SETD1B: variants seen among roughly 807,000 people sequenced by gnomAD.
SETD1B encodes the protein histone-lysine N-methyltransferase SETD1B.
A neutral mutation model predicts 148.0 loss-of-function variants in SETD1B; 7 were observed. The observed-to-expected ratio is 0.05, with a 90% CI of 0.03 to 0.09. SETD1B has a LOEUF of 0.09. Among genes scored for constraint, SETD1B ranks in the 10% least tolerant of loss-of-function variants. The pLI, the probability that SETD1B is intolerant of heterozygous loss-of-function variation, is 1.00. For missense variants in SETD1B, 2,155 were observed against 2,729.9 expected, an observed-to-expected ratio of 0.79 and a Z score of 4.69; for synonymous variants, 1,361 against 1,186.5, an observed-to-expected ratio of 1.15 and a Z score of -3.02.
chr12:121,808,335 G>C lies in SETD1B; in HGVS notation c.657+15G>C. 5.2e-6 allele frequency: 8 copies of C among 1,530,382 alleles called. No homozygotes were observed. The highest frequency in any genetic ancestry group is 7.1e-6 in the Non-Finnish European group (8 of 1,128,606). 94.8% of individuals were successfully genotyped at this position (1,530,382 alleles called of 1,614,324 possible). ...AGACCCTGCAGGTGGGTTTATGGCC[G>C]TCAGTCTGCCCCATCGCCAGCTCTT... On this transcript the variant is annotated intron_variant, in intron 5 of 16. Coordinates refer to ENST00000604567, the MANE Select transcript of SETD1B (RefSeq NM_001353345.2). This position sits in a 1 kb window ranked among gnomAD's most constrained non-coding sequence, Gnocchi z 5.3.
intron 6 of SETD1B, among the ~76,000 whole-genome samples, chr12:121,812,718 C>T (rs1344122002): frequency 6.6e-6 from 1 of 152,128 alleles, no homozygotes; most frequent in Non-Finnish European, 1.5e-5. Context: ...CCGTCTGTCT[C>T]TTCTTGATGT....
intron 10 of SETD1B, 52 bp from the exon 11 acceptor site, chr12:121,819,352 G>A (rs1876452820): frequency 1.3e-6 from 2 of 1,548,940 alleles, no homozygotes; most frequent in African/African-American, 1.4e-5. Flanking sequence ...TCTGGTGGGG[G>A]CTGGGGCACA....
At position 121,810,847 on chromosome 12, in the gene SETD1B, T is replaced by G; in HGVS notation, c.1890+12T>G. On this transcript the variant is annotated intron_variant, in intron 6 of 16. Transcript: ENST00000604567. This position sits in a 1 kb window ranked among gnomAD's most constrained non-coding sequence, Gnocchi z 7.6. ...AGAAGATGGATGAGGTACCACCGTG[T>G]CTGTCCATCTGTCTGGGACTGGTTT... 5.4e-6 allele frequency: 8 copies of G among 1,478,852 alleles called. No individual in the cohort carries two copies. The highest frequency in any genetic ancestry group is 7.2e-6 in the Non-Finnish European group (8 of 1,108,522). The allele number at this position is 1,478,852 out of a possible 1,614,324, so 91.6% of individuals were successfully genotyped here.
At chr12:121,807,656 G>A (rs1875812593) in intron 4 of SETD1B, among the ~76,000 whole-genome samples, 1 of 152,106 alleles carries the variant, frequency 6.6e-6, no homozygotes, top group Non-Finnish European at 1.5e-5. Flanking sequence ...CTGCTGAGGG[G>A]TGGAGGGTTC....
Position 121,805,688 on chromosome 12 carries a change from A to T in SETD1B, c.274-147A>T. On this transcript the variant is annotated intron_variant, in intron 3 of 16. Coordinates refer to ENST00000604567, the MANE Select transcript of SETD1B (RefSeq NM_001353345.2). This position sits in a 1 kb window ranked among gnomAD's most constrained non-coding sequence, Gnocchi z 4.2. ...GCGTGCATTTTTTTTTTCCAAAAAAAATTTTTTTTTTTTTTTTAATTTTTA... is the reference window on the plus strand; with the variant it reads ...GCGTGCATTTTTTTTTTCCAAAAAATATTTTTTTTTTTTTTTTAATTTTTA... 1 of 667,582 alleles carries T rather than the reference A, an allele frequency of 1.5e-6. No homozygotes were observed. The highest frequency in any genetic ancestry group is 2.1e-6 in the Non-Finnish European group (1 of 487,358). The allele number at this position is 667,582 out of a possible 1,614,324, so 41.4% of individuals were successfully genotyped here.
At position 121,804,241 on chromosome 12, in the gene SETD1B, C is replaced by G. The variant is rs1250289265; in HGVS notation, c.-15+8C>G. The G allele has an allele frequency of 6.8e-6, 1 of 147,570 alleles. No homozygotes were observed. Among genetic ancestry groups the G allele is most frequent in the East Asian group, 2.0e-4 (1 of 5,056 alleles). The allele number at this position is 147,570 out of a possible 1,614,324, so 9.1% of individuals were successfully genotyped here. On this transcript the variant is annotated splice_region_variant and intron_variant, in intron 1 of 16. Coordinates refer to ENST00000604567, the MANE Select transcript of SETD1B (RefSeq NM_001353345.2). This position sits in a 1 kb window ranked among gnomAD's most constrained non-coding sequence, Gnocchi z 4.6. ...CCGGCGCCCGGCGGGGATGTAAGCG[C>G]GGCTCGGGGAGGGAGAGGCCGCGGC...
At chr12:121,827,703 G>A (rs1876906820) in intron 14 of SETD1B, 32 bp from the exon 15 acceptor site, 1 of 1,551,724 alleles carries the variant, frequency 6.4e-7, no homozygotes, top group Non-Finnish European at 8.7e-7. Context: ...CCTGAGACCG[G>A]GGCTCACCTC....
chr12:121,818,749 GCA>G (rs1271189747), intron 10 of SETD1B, among the ~76,000 whole-genome samples: 3 of 151,856 alleles, frequency 2.0e-5, no homozygotes, highest in Non-Finnish European at 4.4e-5. Context: ...AATTAGCCGG[GCA>G]TGGTGGCAGG....
rs146606774 is a variant in SETD1B, at chr12:121,823,853, T to C, written c.5170+104T>C. The C allele has an allele frequency of 1.1e-4, 150 of 1,414,904 alleles. No homozygotes were observed. The African/African-American group carries it at 1.6e-3, about 15-fold the overall frequency. 87.6% of individuals were successfully genotyped at this position (1,414,904 alleles called of 1,614,324 possible). On this transcript the variant is annotated intron_variant, in intron 12 of 16. Coordinates refer to ENST00000604567, the MANE Select transcript of SETD1B (RefSeq NM_001353345.2). ...AGTCTGTAGCAGCCCGCGGTGCCCA[T>C]GAAGGTGACAGCATGCACCACCGTC...
rs972062849 is a variant in SETD1B, at chr12:121,810,550, C to G, written c.1605C>G (p.Ser535=). The G allele has an allele frequency of 9.0e-6, 14 of 1,547,088 alleles. No homozygotes were observed. The East Asian group carries it at 3.4e-4, about 38-fold the overall frequency. Residue 535 remains serine, a synonymous_variant, in exon 6 of 17, where the codon TCC becomes TCG. Coordinates refer to ENST00000604567, the MANE Select transcript of SETD1B (RefSeq NM_001353345.2). This position sits in a 1 kb window ranked among gnomAD's most constrained non-coding sequence, Gnocchi z 7.6. The stretch of plus-strand genomic sequence containing the variant: ...AGATGGAGGGCAGCCCCATCTCCTC[C>G]TCCTCCTCCCAGCTCTCCCCACTGG... ...ELQMEGSPIS[S]SSSQLSPLAP... is the part of the protein sequence containing the mutation.
intron 7 of SETD1B, among the ~76,000 whole-genome samples, chr12:121,816,401 A>T (rs1252065441): frequency 1.3e-5 from 2 of 152,184 alleles, no homozygotes; most frequent in Non-Finnish European, 2.9e-5. Flanking sequence ...CTGGGCAGTA[A>T]AATTAGAATG....
chr12:121,796,250 G>C, the SETD1B span: 2 of 152,698 alleles, frequency 1.3e-5, no homozygotes, highest in African/African-American at 2.4e-5. Flanking sequence ...TTCCTGGAGA[G>C]TTTGAGAAAG....
intron 10 of SETD1B, 28 bp from the exon 11 acceptor site, chr12:121,819,376 C>T: frequency 6.4e-7 from 1 of 1,550,794 alleles, no homozygotes; most frequent in Non-Finnish European, 8.7e-7. Context: ...GGTCCTCAGG[C>T]AGCCCCTCGT....
chr12:121,823,287 G>A lies in SETD1B; in HGVS notation c.4708G>A (p.Val1570Met). 1 of 1,549,488 alleles carries A rather than the reference G, an allele frequency of 6.5e-7. No homozygotes were observed. The highest frequency in any genetic ancestry group is 8.7e-7 in the Non-Finnish European group (1 of 1,146,738). Residue 1570 changes from valine (V) to methionine (M), a missense_variant, in exon 12 of 17, where the codon GTG becomes ATG. Coordinates refer to ENST00000604567, the MANE Select transcript of SETD1B (RefSeq NM_001353345.2). Reference protein sequence around the residue: ...VFPSTHDPRTVTLDFRNAGIP... With the variant: ...VFPSTHDPRTMTLDFRNAGIP... Reference sequence around the variant, plus strand: ...CCCCAGCACCCATGACCCCCGGACGGTGACCCTGGACTTCCGGAACGCGGG... The same window carrying A: ...CCCCAGCACCCATGACCCCCGGACGATGACCCTGGACTTCCGGAACGCGGG...
At position 121,804,415 on chromosome 12, in the gene SETD1B, C is replaced by A. The variant is rs1236415500; in HGVS notation, c.-15+182C>A. Among the ~76,000 whole-genome samples the A allele has an allele frequency of 6.7e-6, 1 of 148,394 alleles. No individual in the cohort carries two copies. ...GTGAGCGCCACGCCGGGCGGCCGGG[C>A]GGGCACCATGGGCCGGAGTCCGCGT... On this transcript the variant is annotated intron_variant, in intron 1 of 16. Transcript: ENST00000604567. The surrounding 1 kb of genome is among the most constrained non-coding windows in gnomAD (Gnocchi z 4.6).
rs1189826710 is a variant in SETD1B, at chr12:121,822,571, C to G, written c.3992C>G (p.Pro1331Arg). Residue 1331 changes from proline (P) to arginine (R), a missense_variant, in exon 12 of 17, where the codon CCC (proline) becomes CGC (arginine). By Grantham distance (103) the Pro-to-Arg change is moderately radical. This residue lies in a region of SETD1B where 862 missense variants were observed against 873.8 expected (regional missense o/e 0.99). Coordinates refer to ENST00000604567, the MANE Select transcript of SETD1B (RefSeq NM_001353345.2). ...CCACCATTGCCGCCCCCACGACCAC[C>G]CCGGCCACCCAGCCCACCGCCGGAG... ...LQPPLPPPRP[P>R]RPPSPPPEPE... 4.5e-6 allele frequency: 7 copies of G among 1,551,432 alleles called. No individual in the cohort carries two copies. Among genetic ancestry groups the G allele is most frequent in the Admixed American group, 3.9e-5 (2 of 50,986 alleles).
chr12:121,827,469 C>A (rs1469575169), intron 13 of SETD1B, 50 bp from the exon 14 acceptor site: 4 of 1,482,826 alleles, frequency 2.7e-6, no homozygotes, highest in Non-Finnish European at 3.6e-6. Flanking sequence ...AGGGTGGGAC[C>A]GCCGAGGACA....
rs997309156 is a variant in SETD1B at position 121,831,128 on chromosome 12, C to CT, written c.*891dup. The CT allele has an allele frequency of 6.6e-6, 1 of 152,212 alleles. No individual in the cohort carries two copies. Among genetic ancestry groups the CT allele is most frequent in the Non-Finnish European group, 1.5e-5 (1 of 68,032 alleles). 9.4% of individuals were successfully genotyped at this position (152,212 alleles called of 1,614,324 possible). A position where few individuals can be genotyped will look rare whatever the true frequency, so the allele number is the denominator to read the frequency against. On this transcript the variant is annotated 3_prime_UTR_variant, in exon 17 of 17. Coordinates refer to ENST00000604567, the MANE Select transcript of SETD1B (RefSeq NM_001353345.2). ...ACGCGGGCAGCCACTCTCTTCTGCC[C>CT]TTGCCTTCGCCCTGGGTGGGACAGG...
Position 121,810,231 on chromosome 12 carries a change from G to A in SETD1B, c.1286G>A (p.Arg429Gln), listed in dbSNP as rs767994722. The A allele has an allele frequency of 2.4e-5, 37 of 1,547,968 alleles. No homozygotes were observed. The highest frequency in any genetic ancestry group is 2.8e-5 in the Non-Finnish European group (32 of 1,146,836). ...GGGGCCCGCGACAGTGGGGAGTTCC[G>A]GAGGGCACCGGCGCCCCCACCCCTG... ...AFGARDSGEF[R>Q]RAPAPPPLPP... Residue 429 changes from arginine (R) to glutamine (Q), a missense_variant, in exon 6 of 17, where the codon CGG (arginine) becomes CAG (glutamine). Arg to Gln is a conservative substitution (Grantham distance 43, BLOSUM62 1). Transcript: ENST00000604567. The surrounding 1 kb of genome is among the most constrained non-coding windows in gnomAD (Gnocchi z 7.6).
Sources: allele counts gnomAD v4.1 joint callset (sites outside exome capture counted in the v4.1 genomes callset), GRCh38; gene constraint gnomAD v4.1.1; regional missense constraint gnomAD v4.1.1; non-coding constraint Gnocchi (gnomAD v3.1); transcripts MANE v1.5; gene names NCBI Gene and HGNC (gene_info 2026-07-23, HGNC 2026-07-21).